The following TRIM33 variants were observed in gnomAD, a reference collection of about 807,000 sequenced individuals.
TRIM33 encodes E3 ubiquitin-protein ligase TRIM33.
TRIM33 carries 20 observed loss-of-function variants against 125.4 expected under a neutral mutation model. The ratio of observed to expected loss-of-function variants is 0.16; its 90% confidence interval spans 0.11 to 0.23. TRIM33 has a LOEUF of 0.23. TRIM33 is among the 10% of genes least tolerant of loss of function. The pLI is 1.00. For synonymous variants in TRIM33, 564 were observed against 513.9 expected, an observed-to-expected ratio of 1.10 and a Z score of -1.32; for missense variants, 920 against 1,411.4, an observed-to-expected ratio of 0.65 and a Z score of 5.58.
At chr1:114,430,090 A>G (rs1160577447) in intron 6 of TRIM33, among the ~76,000 whole-genome samples, 1 of 152,042 alleles carries the variant, frequency 6.6e-6, no homozygotes, top group Non-Finnish European at 1.5e-5. Flanking sequence ...TATTTTTAAA[A>G]TAAGGTAAAA....
At chr1:114,407,509 G>A (rs1341830241) in intron 13 of TRIM33, among the ~76,000 whole-genome samples, 3 of 152,058 alleles carry the variant, frequency 2.0e-5, no homozygotes, top group Non-Finnish European at 2.9e-5. Flanking sequence ...AGAACTTCCT[G>A]GGAAAGTGGC....
At chr1:114,501,106 C>T (rs1338137973) in intron 1 of TRIM33, among the ~76,000 whole-genome samples, 2 of 111,404 alleles carry the variant, frequency 1.8e-5, no homozygotes, top group East Asian at 2.1e-4. Context: ...AGGAGAATGG[C>T]GTGAACCCGG....
chr1:114,410,477 C>A (rs952519673), intron 11 of TRIM33, among the ~76,000 whole-genome samples, 161 bp from the exon 12 acceptor site: 7 of 152,128 alleles, frequency 4.6e-5, no homozygotes, highest in Non-Finnish European at 8.8e-5. Context: ...AGGGCCCACA[C>A]AGTATAAAGT....
In TRIM33 at chr1:114,510,826, G is replaced by A. The variant is rs1224207063; in HGVS notation, c.251C>T (p.Ser84Leu). 6 of 1,518,324 alleles carry A rather than the reference G, an allele frequency of 4.0e-6. No individual in the cohort carries two copies. The South Asian group carries it at 7.3e-5, about 19-fold the overall frequency. 94.1% of individuals were successfully genotyped at this position (1,518,324 alleles called of 1,614,324 possible). A position where few individuals can be genotyped will look rare whatever the true frequency, so the allele number is the denominator to read the frequency against. Residue 84 changes from serine (S) to leucine (L), a missense_variant, in exon 1 of 20, where the codon TCA becomes TTA. Physicochemically the swap from Ser to Leu is moderately radical, Grantham distance 145. Transcript: ENST00000358465. ...GCCCCCGGCAACTCCAGTGCCCACT[G>A]AGGCCGCAGGAGATGAAGCAGCCTG... ...SAQAASSPAA[S>L]VGTGVAGGAV...
chr1:114,463,487 T>C lies in TRIM33; in HGVS notation c.715A>G (p.Lys239Glu). ...CTTTGATGTGCTTCGATACATGTCTTACATAGCCACTCTCCACATTCTACA... is the reference window on the plus strand; with the variant it reads ...CTTTGATGTGCTTCGATACATGTCTCACATAGCCACTCTCCACATTCTACA... ...FCVECGEWLCKTCIEAHQRVK... is the reference protein window; with the variant it reads ...FCVECGEWLCETCIEAHQRVK... Residue 239 changes from lysine to glutamate, a missense_variant, in exon 3 of 20, where the codon AAG (lysine) becomes GAG (glutamate). Around this residue, in one of 8 missense-constraint regions of TRIM33, gnomAD observed 24 missense variants for 83.9 expected, o/e 0.29. Coordinates refer to ENST00000358465, the MANE Select transcript of TRIM33 (RefSeq NM_015906.4). The C allele has an allele frequency of 1.2e-6, 2 of 1,612,094 alleles. No homozygotes were observed. Among genetic ancestry groups the C allele is most frequent in the Non-Finnish European group, 1.7e-6 (2 of 1,178,280 alleles).
intron 1 of TRIM33, among the ~76,000 whole-genome samples, chr1:114,483,912 T>A (rs1156865136): frequency 6.6e-6 from 1 of 152,040 alleles, no homozygotes; most frequent in Non-Finnish European, 1.5e-5. Flanking sequence ...GAAGAGGAGA[T>A]GAAAACGATG....
intron 10 of TRIM33, among the ~76,000 whole-genome samples, chr1:114,422,946 C>T (rs990360188): frequency 9.2e-5 from 14 of 151,872 alleles, no homozygotes; most frequent in African/African-American, 1.5e-4. Context: ...ATTTTGTAAA[C>T]GTTTCCTAAG....
chr1:114,460,184 A>G (rs552023502), intron 4 of TRIM33: 27 of 200,830 alleles, frequency 1.3e-4, no homozygotes, highest in Non-Finnish European at 2.5e-4. Flanking sequence ...AACAGGTGCC[A>G]TGGGAAAAGG....
At chr1:114,457,240 G>A (rs576211885) in intron 4 of TRIM33, among the ~76,000 whole-genome samples, 23 of 152,170 alleles carry the variant, frequency 1.5e-4, no homozygotes, top group African/African-American at 5.3e-4. Context: ...GTCCATGTCC[G>A]GCCCTATGGA....
chr1:114,511,187 T>TAGCGAGAGAGCGAACC lies in TRIM33; in HGVS notation c.-127_-112dup. ...CGCAGCAAGAGCGGCAGCCGAGAGC[T>TAGCGAGAGAGCGAACC]AGCGAGAGAGCGAACCAACGAGAGC... On this transcript the variant is annotated 5_prime_UTR_variant, in exon 1 of 20. Coordinates refer to ENST00000358465, the MANE Select transcript of TRIM33 (RefSeq NM_015906.4). 1.0e-6 allele frequency: 1 copy of TAGCGAGAGAGCGAACC among 986,694 alleles called. No individual in the cohort carries two copies. Among genetic ancestry groups the TAGCGAGAGAGCGAACC allele is most frequent in the South Asian group, 4.6e-5 (1 of 21,626 alleles). 61.1% of individuals were successfully genotyped at this position (986,694 alleles called of 1,614,324 possible).
rs1232739197 is a variant in TRIM33, at chr1:114,510,999, G to A, written c.78C>T (p.Ala26=). ...GSGSAPVTAG[A]AGPAAQEAEP... is the part of the protein sequence containing the mutation. ...CCGCCTCCTGCGCGGCGGGCCCGGC[G>A]GCCCCGGCAGTTACCGGCGCGCTGC... Residue 26 remains alanine, a synonymous_variant, in exon 1 of 20, where the codon GCC becomes GCT. Transcript: ENST00000358465. The A allele has an allele frequency of 9.1e-6, 12 of 1,315,208 alleles. No individual in the cohort carries two copies. The highest frequency in any genetic ancestry group is 1.2e-5 in the Non-Finnish European group (12 of 1,036,314). 81.5% of individuals were successfully genotyped at this position (1,315,208 alleles called of 1,614,324 possible). A position where few individuals can be genotyped will look rare whatever the true frequency, so the allele number is the denominator to read the frequency against.
intron 4 of TRIM33, among the ~76,000 whole-genome samples, chr1:114,437,249 A>T (rs1397173077): frequency 6.6e-6 from 1 of 152,256 alleles, no homozygotes; most frequent in Non-Finnish European, 1.5e-5. Context: ...GTGGGGAAAG[A>T]ATAACCAACA....
chr1:114,454,288 A>G (rs1649500006), intron 4 of TRIM33, among the ~76,000 whole-genome samples: 1 of 152,224 alleles, frequency 6.6e-6, no homozygotes, highest in South Asian at 2.1e-4. Context: ...GTATAACTGC[A>G]GCTGCAGTTA....
rs1447384927 is a variant in TRIM33 at position 114,510,741 on chromosome 1, C to T, written c.336G>A (p.Gly112=). 1 of 1,525,940 alleles carries T rather than the reference C, an allele frequency of 6.6e-7. No individual in the cohort carries two copies. The highest frequency in any genetic ancestry group is 2.0e-5 in the Admixed American group (1 of 49,924). The allele number at this position is 1,525,940 out of a possible 1,614,324, so 94.5% of individuals were successfully genotyped here. A position where few individuals can be genotyped will look rare whatever the true frequency, so the allele number is the denominator to read the frequency against. Residue 112 remains glycine (G), a synonymous_variant, in exon 1 of 20, where the codon GGG becomes GGA. Transcript: ENST00000358465. ...GCGAGGCTGGCGGTCCAGGAGGCGG[C>T]CCTGCCGAGGGACCCGGAGCGGGAG... ...ASAPAPGPSA[G]PPPGPPASLL...
intron 4 of TRIM33, among the ~76,000 whole-genome samples, chr1:114,457,850 G>C (rs777209798): frequency 6.6e-6 from 1 of 152,178 alleles, no homozygotes; most frequent in African/African-American, 2.4e-5. Context: ...CCTATGTTTG[G>C]GTTTTCACGG....
intron 10 of TRIM33, among the ~76,000 whole-genome samples, chr1:114,424,323 G>C (rs1647407006): frequency 6.6e-6 from 1 of 152,038 alleles, no homozygotes; most frequent in African/African-American, 2.4e-5. Flanking sequence ...CAGCTCATTA[G>C]ATTTTTTTCA....
intron 1 of TRIM33, among the ~76,000 whole-genome samples, chr1:114,492,731 T>G (rs971786398): frequency 1.3e-5 from 2 of 152,250 alleles, no homozygotes; most frequent in Non-Finnish European, 1.5e-5. Flanking sequence ...TTACTCATAT[T>G]GCAGCATGTA....
intron 1 of TRIM33, chr1:114,468,287 T>C: frequency 3.9e-6 from 1 of 257,746 alleles, no homozygotes; most frequent in Non-Finnish European, 7.6e-6. Flanking sequence ...TGACTTCCTG[T>C]CTGTGCCTAG....
At chr1:114,424,556 T>C (rs772349598) in intron 10 of TRIM33, 35 bp downstream of exon 10, 6 of 1,474,986 alleles carry the variant, frequency 4.1e-6, no homozygotes, top group African/African-American at 2.8e-5. Flanking sequence ...AATTTTAAAA[T>C]TGTAGGATTC....
Sources: gnomAD v4.1 joint callset for allele counts (sites outside exome capture counted in the v4.1 genomes callset) on GRCh38, gnomAD v4.1.1 for gene constraint, gnomAD v4.1.1 regional missense constraint, MANE v1.5 for transcripts, NCBI Gene and HGNC (gene_info 2026-07-23, HGNC 2026-07-21) for gene names.